EPB41L3: variants seen among roughly 807,000 people sequenced by gnomAD.
EPB41L3 encodes the protein band 4.1-like protein 3.
A neutral mutation model predicts 127.1 loss-of-function variants in EPB41L3; 57 were observed. That is an observed-to-expected ratio of 0.45 (90% CI 0.36 to 0.56). The LOEUF (loss-of-function observed/expected upper bound fraction) is 0.56. Ranked by LOEUF, EPB41L3 falls within the 20% of genes least tolerant of loss-of-function variation. EPB41L3 has a pLI of 0.00. For synonymous variants in EPB41L3, 572 were observed against 549.5 expected, an observed-to-expected ratio of 1.04 and a Z score of -0.57; for missense variants, 1,273 against 1,372.2, an observed-to-expected ratio of 0.93 and a Z score of 1.14.
At chr18:5,622,418 C>T (rs1377653774) in intron 1 of EPB41L3, among the ~76,000 whole-genome samples, 1 of 152,152 alleles carries the variant, frequency 6.6e-6, no homozygotes, top group Non-Finnish European at 1.5e-5. Flanking sequence ...GGTGACTTGT[C>T]GCCAGATAGC....
upstream of EPB41L3, among the ~76,000 whole-genome samples, chr18:5,629,803 G>C (rs1161254915): frequency 6.6e-6 from 1 of 152,182 alleles, no homozygotes; most frequent in Non-Finnish European, 1.5e-5. Context: ...GGACCGGGGA[G>C]CCAGACCCCA....
chr18:5,459,384 T>C (rs1454753864), intron 3 of EPB41L3, among the ~76,000 whole-genome samples: 1 of 138,822 alleles, frequency 7.2e-6, no homozygotes, highest in African/African-American at 2.7e-5. Context: ...GAGCCTAATG[T>C]CCATTGGTCT....
At chr18:5,588,802 GA>G (rs1743065603) in intron 3 of EPB41L3, among the ~76,000 whole-genome samples, 2 of 152,024 alleles carry the variant, frequency 1.3e-5, no homozygotes. Flanking sequence ...TAGGCTTTAT[GA>G]TGAGTTGAAA....
In EPB41L3 at chr18:5,397,939, C is replaced by CCA. The variant is rs540068255; in HGVS notation, c.2472+80_2472+81dup. 703 of 1,568,596 alleles carry CCA rather than the reference C, an allele frequency of 4.5e-4. 4 individuals carry two copies. In the African/African-American group the frequency reaches 8.6e-3, roughly 19 times the overall value. On this transcript the variant is annotated intron_variant, in intron 17 of 22. Coordinates refer to ENST00000341928, the MANE Select transcript of EPB41L3 (RefSeq NM_012307.5). This position sits in a 1 kb window ranked among gnomAD's most constrained non-coding sequence, Gnocchi z 4.1. Reference sequence around the variant, plus strand: ...TGAAGGCAAAGCCAGCTGGATGCAACCACACACTCACGCCCAAAAAAAGGG... The same window carrying CCA: ...TGAAGGCAAAGCCAGCTGGATGCAACCACACACACTCACGCCCAAAAAAAGGG...
chr18:5,499,868 C>T (rs1598362244), intron 1 of EPB41L3, among the ~76,000 whole-genome samples: 1 of 132,660 alleles, frequency 7.5e-6, no homozygotes, highest in Admixed American at 7.7e-5. Context: ...ACACTAGTGT[C>T]TTCCTTTGCT....
upstream of EPB41L3, among the ~76,000 whole-genome samples, chr18:5,630,145 T>C (rs2094976857): frequency 6.6e-6 from 1 of 152,024 alleles, no homozygotes; most frequent in Admixed American, 6.5e-5. Context: ...TCTGTCCCCC[T>C]CAAAGCACCT....
intron 1 of EPB41L3, among the ~76,000 whole-genome samples, chr18:5,508,741 T>C (rs1304776767): frequency 2.4e-5 from 3 of 124,808 alleles, no homozygotes; most frequent in Non-Finnish European, 4.6e-5. Context: ...CACTCCAGCC[T>C]GGGCAAGAGA....
At chr18:5,497,912 C>T (rs570436398) in intron 1 of EPB41L3, among the ~76,000 whole-genome samples, 24 of 152,246 alleles carry the variant, frequency 1.6e-4, no homozygotes, top group African/African-American at 5.3e-4. Context: ...ACATTTGTTT[C>T]GACATAATTT....
intron 2 of EPB41L3, among the ~76,000 whole-genome samples, chr18:5,613,882 T>G (rs1331618146): frequency 6.6e-6 from 1 of 152,230 alleles, no homozygotes; most frequent in East Asian, 1.9e-4. Context: ...ATTGTTATTT[T>G]TAAGTGAATT....
chr18:5,459,533 T>G (rs1357485867), intron 3 of EPB41L3, among the ~76,000 whole-genome samples: 1 of 152,170 alleles, frequency 6.6e-6, no homozygotes, highest in Non-Finnish European at 1.5e-5. Flanking sequence ...TAGATCTTTT[T>G]GAGGATAAAA....
At chr18:5,565,305 G>A (rs907161694) in intron 3 of EPB41L3, among the ~76,000 whole-genome samples, 2 of 151,912 alleles carry the variant, frequency 1.3e-5, no homozygotes, top group East Asian at 1.9e-4. Flanking sequence ...CCAGATACTC[G>A]TGAGGCTGAG....
At chr18:5,521,756 G>A (rs2093000103) in intron 1 of EPB41L3, among the ~76,000 whole-genome samples, 1 of 152,142 alleles carries the variant, frequency 6.6e-6, no homozygotes, top group Non-Finnish European at 1.5e-5. Context: ...TAGAATATAA[G>A]TTCTACATGG....
At chr18:5,600,220 T>C (rs2094576336) in intron 3 of EPB41L3, among the ~76,000 whole-genome samples, 1 of 152,238 alleles carries the variant, frequency 6.6e-6, no homozygotes, top group Non-Finnish European at 1.5e-5. Flanking sequence ...GGTTGAGGCA[T>C]GGCAAACTGT....
chr18:5,408,466 G>C (rs1053560103), intron 14 of EPB41L3, among the ~76,000 whole-genome samples: 2 of 151,146 alleles, frequency 1.3e-5, no homozygotes, highest in African/African-American at 4.9e-5. Context: ...GTAGAGACAG[G>C]GTTTCACCAT....
intron 1 of EPB41L3, among the ~76,000 whole-genome samples, chr18:5,614,940 A>C (rs796084409): frequency 5.9e-5 from 9 of 152,360 alleles, no homozygotes; most frequent in African/African-American, 2.2e-4. Flanking sequence ...ATGTGTATGA[A>C]GAGAGTATGA....
intron 3 of EPB41L3, among the ~76,000 whole-genome samples, chr18:5,579,423 G>A (rs902406011): frequency 6.6e-6 from 1 of 152,170 alleles, no homozygotes; most frequent in South Asian, 2.1e-4. Flanking sequence ...AGGAAACACC[G>A]ATGAATACAT....
chr18:5,630,249 C>T (rs926667143), upstream of EPB41L3: 1 of 405,660 alleles, frequency 2.5e-6, no homozygotes, highest in South Asian at 1.8e-5. Context: ...GCCAGCCTCG[C>T]CCCTTCCTCG....
intron 3 of EPB41L3, among the ~76,000 whole-genome samples, chr18:5,592,650 G>C (rs1266340228): frequency 6.6e-6 from 1 of 152,194 alleles, no homozygotes; most frequent in Non-Finnish European, 1.5e-5. Context: ...ATGGAGCCAG[G>C]CTTCCCATAA....
At chr18:5,426,860 A>C (rs2078254849) in intron 9 of EPB41L3, among the ~76,000 whole-genome samples, 1 of 152,252 alleles carries the variant, frequency 6.6e-6, no homozygotes, top group African/African-American at 2.4e-5. Context: ...ATTGGCTATA[A>C]GTTTAATATA....
Sources: allele counts gnomAD v4.1 joint callset (sites outside exome capture counted in the v4.1 genomes callset), GRCh38; gene constraint gnomAD v4.1.1; non-coding constraint Gnocchi (gnomAD v3.1); transcripts MANE v1.5; gene names NCBI Gene and HGNC (gene_info 2026-07-23, HGNC 2026-07-21).